Variants in ANO4 observed in about 807,000 individuals in gnomAD.
The protein encoded by ANO4 is anoctamin-4.
ANO4 carries 69 observed loss-of-function variants against 141.9 expected under a neutral mutation model. That is an observed-to-expected ratio of 0.49 (90% confidence interval 0.40 to 0.59). The LOEUF (loss-of-function observed/expected upper bound fraction) is 0.59, where lower values mean the gene tolerates loss of function less well. ANO4 is among the 20% of genes least tolerant of loss of function. The probability of loss-of-function intolerance (pLI) is 0.00; values close to 1 mark genes in which losing one functional copy is unlikely to be tolerated. For synonymous variants in ANO4, 350 were observed against 394.3 expected, an observed-to-expected ratio of 0.89 and a Z score of 1.33; for missense variants, 894 against 1,162.2, an observed-to-expected ratio of 0.77 and a Z score of 3.36.
At chr12:100,898,981 GC>G (rs2040467319) in intron 1 of ANO4, among the ~76,000 whole-genome samples, 1 of 152,148 alleles carries the variant, frequency 6.6e-6, no homozygotes, top group African/African-American at 2.4e-5. Flanking sequence ...TGCACCAGTG[GC>G]ACAGAGCATG....
intron 1 of ANO4, among the ~76,000 whole-genome samples, chr12:100,848,867 T>G (rs1200526991): frequency 6.6e-6 from 1 of 152,222 alleles, no homozygotes; most frequent in Non-Finnish European, 1.5e-5. Flanking sequence ...TCCTGGTGCC[T>G]TATCTCTTCC....
At chr12:101,047,320 C>T (rs963845075) in intron 13 of ANO4, among the ~76,000 whole-genome samples, 22 of 152,084 alleles carry the variant, frequency 1.4e-4, no homozygotes, top group African/African-American at 5.1e-4. Flanking sequence ...CCGCTAGAAC[C>T]TTCAAGGTTG....
chr12:100,831,441 T>C (rs1514781), intron 1 of ANO4, among the ~76,000 whole-genome samples: 1 of 152,116 alleles, frequency 6.6e-6, no homozygotes, highest in Non-Finnish European at 1.5e-5. Context: ...CAATGAGTAT[T>C]TCTTGTGTTC....
At chr12:100,924,968 A>C (rs970049906) in intron 3 of ANO4, among the ~76,000 whole-genome samples, 3 of 152,130 alleles carry the variant, frequency 2.0e-5, no homozygotes, top group African/African-American at 7.2e-5. Context: ...CAGGTAGAGG[A>C]GTATAAATTT....
intron 1 of ANO4, among the ~76,000 whole-genome samples, chr12:100,796,651 T>C (rs938310416): frequency 1.3e-5 from 2 of 152,048 alleles, no homozygotes; most frequent in African/African-American, 2.4e-5. Flanking sequence ...TTCAAAACAA[T>C]TTTTAAAATA....
At chr12:100,902,606 C>A (rs1052556751) in intron 2 of ANO4, among the ~76,000 whole-genome samples, 2 of 152,196 alleles carry the variant, frequency 1.3e-5, no homozygotes, top group Non-Finnish European at 2.9e-5. Flanking sequence ...CTGTAATGTC[C>A]TAGTGGATGA....
intron 16 of ANO4, 134 bp from the exon 17 acceptor site, chr12:101,086,526 T>C (rs764301446): frequency 1.1e-6 from 1 of 908,942 alleles, no homozygotes; most frequent in Non-Finnish European, 1.7e-6. Flanking sequence ...AAAGTATGCA[T>C]TTGATTGTGA....
In ANO4 at chr12:100,898,211, T is replaced by G. The variant is rs376221108; in HGVS notation, c.-140-3435T>G. Among the ~76,000 whole-genome samples the G allele has an allele frequency of 9.8e-5, 15 of 152,356 alleles. No individual in the cohort carries two copies. In the South Asian group the frequency reaches 2.3e-3, roughly 23 times the overall value. ...ATTTAATAGATAGTGTCAACAATTT[T>G]TTTTTAGACTAAGAACAAATTGGAT... On this transcript the variant is annotated intron_variant, in intron 1 of 27. Transcript: ENST00000392977.
intron 8 of ANO4, among the ~76,000 whole-genome samples, chr12:101,013,613 G>C (rs1373377989): frequency 6.6e-6 from 1 of 152,096 alleles, no homozygotes; most frequent in Non-Finnish European, 1.5e-5. Context: ...TATCCATGCT[G>C]TTCATATAGT....
chr12:101,068,439 T>C (rs1356608128), intron 14 of ANO4: 6 of 899,764 alleles, frequency 6.7e-6, no homozygotes, highest in African/African-American at 3.3e-5. Flanking sequence ...AAGAAGACTG[T>C]GTCCTCCCAT....
intron 3 of ANO4, among the ~76,000 whole-genome samples, chr12:100,780,033 GT>G (rs926416709): frequency 5.9e-4 from 89 of 151,650 alleles, no homozygotes; most frequent in African/African-American, 2.1e-3. Context: ...TTTTCAATTT[GT>G]TTTTTTTAAG....
chr12:100,925,824 C>CATAT (rs1306537522), intron 3 of ANO4, among the ~76,000 whole-genome samples: 5 of 144,874 alleles, frequency 3.5e-5, no homozygotes, highest in Non-Finnish European at 4.5e-5. Context: ...TACATACATA[C>CATAT]ATATATATAC....
At chr12:101,088,925 G>A (rs909708532) in intron 17 of ANO4, among the ~76,000 whole-genome samples, 27 of 152,222 alleles carry the variant, frequency 1.8e-4, no homozygotes, top group African/African-American at 6.3e-4. Context: ...TTAAAGGTTT[G>A]TAGTGTAAAT....
chr12:100,987,457 G>A, intron 7 of ANO4, 82 bp from the exon 8 acceptor site: 2 of 1,528,092 alleles, frequency 1.3e-6, no homozygotes, highest in Non-Finnish European at 1.8e-6. Flanking sequence ...TGATAGTTGT[G>A]GCTCTGCGGA....
chr12:100,988,106 A>C (rs901100353), intron 8 of ANO4, among the ~76,000 whole-genome samples: 2 of 152,078 alleles, frequency 1.3e-5, no homozygotes, highest in Non-Finnish European at 2.9e-5. Flanking sequence ...TTCACTTCTC[A>C]GTTCCCCTTT....
chr12:100,735,128 G>A (rs1739160882), intron 2 of ANO4, among the ~76,000 whole-genome samples: 1 of 152,140 alleles, frequency 6.6e-6, no homozygotes, highest in South Asian at 2.1e-4. Flanking sequence ...AATGCTCACT[G>A]ATGTGAGGTT....
upstream of ANO4, among the ~76,000 whole-genome samples, chr12:100,792,387 C>T (rs1445847824): frequency 6.6e-6 from 1 of 152,058 alleles, no homozygotes; most frequent in African/African-American, 2.4e-5. Flanking sequence ...TTCAAATGGC[C>T]ATCGATCCAA....
intron 1 of ANO4, among the ~76,000 whole-genome samples, chr12:100,805,253 T>C (rs1452589951): frequency 6.6e-6 from 1 of 152,082 alleles, no homozygotes; most frequent in Non-Finnish European, 1.5e-5. Context: ...AAAGATCAGG[T>C]GGTTGTAGGG....
At chr12:101,040,196 C>G in intron 11 of ANO4, 120 bp downstream of exon 11, 1 of 1,293,426 alleles carries the variant, frequency 7.7e-7, no homozygotes, top group Non-Finnish European at 1.0e-6. Context: ...TCACTCATAT[C>G]TGGCTTCTTC....
Sources: allele counts gnomAD v4.1 joint callset (sites outside exome capture counted in the v4.1 genomes callset), GRCh38; gene constraint gnomAD v4.1.1; transcripts MANE v1.5; gene names NCBI Gene and HGNC (gene_info 2026-07-23, HGNC 2026-07-21).